Variants in ARHGAP25 observed in about 807,000 individuals in gnomAD.
ARHGAP25 encodes rho GTPase-activating protein 25.
Under a neutral mutation model 71.0 loss-of-function variants are expected in ARHGAP25, and 34 were observed. The observed-to-expected ratio is 0.48, with a 90% CI of 0.36 to 0.64. The LOEUF is 0.64. ARHGAP25 is among the 30% of genes least tolerant of loss of function. The pLI, the probability that ARHGAP25 is intolerant of heterozygous loss-of-function variation, is 0.00. For synonymous variants in ARHGAP25, 282 were observed against 296.5 expected, an observed-to-expected ratio of 0.95 and a Z score of 0.50; for missense variants, 706 against 805.1, an observed-to-expected ratio of 0.88 and a Z score of 1.49.
At chr2:68,732,773 G>C (rs1247500479), upstream of ARHGAP25, among the ~76,000 whole-genome samples, 6 of 152,218 alleles carry the variant, frequency 3.9e-5, no homozygotes, top group Non-Finnish European at 8.8e-5. Context: ...AGCAGACAGG[G>C]TGTGCGCAGA....
intron 4 of ARHGAP25, among the ~76,000 whole-genome samples, chr2:68,802,344 G>T (rs1158684024): frequency 7.7e-6 from 1 of 130,496 alleles, no homozygotes; most frequent in Non-Finnish European, 1.6e-5. Flanking sequence ...GGAGAAGGAA[G>T]TTTCAGTGAG....
At chr2:68,755,648 A>G (rs1331357052) in intron 1 of ARHGAP25, among the ~76,000 whole-genome samples, 8 of 48,492 alleles carry the variant, frequency 1.6e-4, no homozygotes, top group Non-Finnish European at 4.0e-4. Flanking sequence ...AAATTTTTGC[A>G]TGCTTTTTTC....
chr2:68,742,054 C>T (rs955247266), intron 1 of ARHGAP25, among the ~76,000 whole-genome samples: 18 of 152,314 alleles, frequency 1.2e-4, no homozygotes, highest in African/African-American at 4.1e-4. Context: ...TTGCTACTAC[C>T]ATCTATTCTC....
upstream of ARHGAP25, among the ~76,000 whole-genome samples, chr2:68,731,695 G>A (rs1416500895): frequency 6.6e-6 from 1 of 151,898 alleles, no homozygotes; most frequent in Non-Finnish European, 1.5e-5. Context: ...GTTTTGTCTG[G>A]AATCCTTTTT....
At chr2:68,811,194 G>A (rs900958738) in intron 5 of ARHGAP25, among the ~76,000 whole-genome samples, 5 of 152,214 alleles carry the variant, frequency 3.3e-5, no homozygotes, top group African/African-American at 9.7e-5. Context: ...GTGAAAGGAG[G>A]GGAGAGGCTT....
intron 2 of ARHGAP25, among the ~76,000 whole-genome samples, chr2:68,721,073 A>G (rs1399497283): frequency 6.6e-6 from 1 of 152,234 alleles, no homozygotes; most frequent in African/African-American, 2.4e-5. Flanking sequence ...CTTGGGGGCA[A>G]CTTCAACTAA....
intron 10 of ARHGAP25, 89 bp from the exon 11 acceptor site, chr2:68,825,898 G>A: frequency 8.7e-7 from 1 of 1,153,834 alleles, no homozygotes; most frequent in South Asian, 1.5e-5. Flanking sequence ...GATTTGAAAG[G>A]AAAATGAGCA....
At chr2:68,800,790 G>A (rs1679911166) in intron 4 of ARHGAP25, among the ~76,000 whole-genome samples, 1 of 152,080 alleles carries the variant, frequency 6.6e-6, no homozygotes. Context: ...TAGCACATGT[G>A]AAAGTATCTG....
chr2:68,751,260 G>A (rs1000601126), intron 1 of ARHGAP25, among the ~76,000 whole-genome samples: 1 of 152,130 alleles, frequency 6.6e-6, no homozygotes, highest in African/African-American at 2.4e-5. Context: ...GCAGTATTCT[G>A]ACTCCCAACC....
upstream of ARHGAP25, among the ~76,000 whole-genome samples, chr2:68,729,839 C>T (rs758487946): frequency 2.2e-4 from 34 of 152,178 alleles, no homozygotes; most frequent in Admixed American, 1.3e-3. Flanking sequence ...ACATAGCAAA[C>T]CTTAGTATAA....
At chr2:68,739,470 T>C (rs964678031) in intron 1 of ARHGAP25, among the ~76,000 whole-genome samples, 1 of 152,170 alleles carries the variant, frequency 6.6e-6, no homozygotes, top group Non-Finnish European at 1.5e-5. Flanking sequence ...TCCTTTTGAG[T>C]AAGGCCCACT....
intron 2 of ARHGAP25, among the ~76,000 whole-genome samples, chr2:68,724,024 A>G (rs1401380377): frequency 6.6e-6 from 1 of 151,884 alleles, no homozygotes; most frequent in Admixed American, 6.5e-5. Flanking sequence ...CAGGTGTGCC[A>G]CCACGCCCAG....
At chr2:68,769,989 T>C (rs1677380897) in intron 1 of ARHGAP25, among the ~76,000 whole-genome samples, 1 of 152,148 alleles carries the variant, frequency 6.6e-6, no homozygotes, top group Non-Finnish European at 1.5e-5. Context: ...GGCAGGAAGG[T>C]AACATGATCA....
intron 1 of ARHGAP25, among the ~76,000 whole-genome samples, chr2:68,772,573 A>G (rs1677557932): frequency 6.6e-6 from 1 of 152,108 alleles, no homozygotes; most frequent in Non-Finnish European, 1.5e-5. Flanking sequence ...TATCTTTTTC[A>G]TTTTTGCCTA....
At chr2:68,813,841 G>A (rs990801210) in intron 6 of ARHGAP25, among the ~76,000 whole-genome samples, 1 of 152,192 alleles carries the variant, frequency 6.6e-6, no homozygotes, top group African/African-American at 2.4e-5. Context: ...GGGAGAAGAA[G>A]GACAGGGAGG....
At position 68,775,997 on chromosome 2, in the gene ARHGAP25, T is replaced by C. The variant is rs1471406933; in HGVS notation, c.261+577T>C. ...GCAGATGTCACGAGTTAAGGGAAGA[T>C]GTAATTTTAAAAAGGATGGTCAAAT... On this transcript the variant is annotated intron_variant, in intron 2 of 10. Coordinates refer to ENST00000409202, the MANE Select transcript of ARHGAP25 (RefSeq NM_001007231.3). Among the ~76,000 whole-genome samples, 4 of 152,116 alleles carry C rather than the reference T, an allele frequency of 2.6e-5. No individual in the cohort carries two copies. The South Asian group carries it at 8.3e-4, about 31-fold the overall frequency.
intron 1 of ARHGAP25, among the ~76,000 whole-genome samples, chr2:68,738,823 G>GAAAA (rs35421866): frequency 1.0e-5 from 1 of 98,394 alleles, no homozygotes. Flanking sequence ...TCTGTCTCAA[G>GAAAA]AAAAAAAAAA....
At chr2:68,747,952 A>C (rs550665072) in intron 1 of ARHGAP25, among the ~76,000 whole-genome samples, 1 of 151,990 alleles carries the variant, frequency 6.6e-6, no homozygotes, top group East Asian at 1.9e-4. Context: ...TCCTGCCTCC[A>C]CTCTTGTCCT....
chr2:68,791,838 G>T (rs1157605602), intron 4 of ARHGAP25, among the ~76,000 whole-genome samples: 2 of 152,102 alleles, frequency 1.3e-5, no homozygotes, highest in Non-Finnish European at 2.9e-5. Flanking sequence ...GGCTCCTCCT[G>T]CCTGTAGCTG....
Sources: gnomAD v4.1 joint callset for allele counts (sites outside exome capture counted in the v4.1 genomes callset) on GRCh38, gnomAD v4.1.1 for gene constraint, MANE v1.5 for transcripts, NCBI Gene and HGNC (gene_info 2026-07-23, HGNC 2026-07-21) for gene names.